The following METAP2 variants were observed in gnomAD, a reference collection of about 807,000 sequenced individuals.
METAP2 encodes methionyl aminopeptidase 2, also known as methionine aminopeptidase 2.
In METAP2, 25 loss-of-function variants were observed where a neutral mutation model predicts 59.4. The ratio of observed to expected loss-of-function variants is 0.42; its 90% CI spans 0.31 to 0.59. The LOEUF (loss-of-function observed/expected upper bound fraction) is 0.59, where lower values mean the gene tolerates loss of function less well. Among genes scored for constraint, METAP2 ranks in the 20% least tolerant of loss-of-function variants. METAP2 has a pLI of 0.16. For synonymous variants in METAP2, 214 were observed against 194.1 expected (o/e 1.10, Z -0.85); for missense variants, 366 against 581.2 (o/e 0.63, Z 3.81).
chr12:95,510,842 C>T lies in METAP2; in HGVS notation c.965-1053C>T, dbSNP rs543371347. On this transcript the variant is annotated intron_variant, in intron 8 of 10. Coordinates refer to ENST00000323666, the MANE Select transcript of METAP2 (RefSeq NM_006838.4). The stretch of plus-strand genomic sequence containing the variant: ...TTTATGTCTTTACTACCTAATTATG[C>T]ATCCCTAAACTAGTTTTATTGCCTA... Among the ~76,000 whole-genome samples the T allele has an allele frequency of 3.9e-5, 6 of 152,306 alleles. No individual in the cohort carries two copies. The East Asian group carries it at 1.2e-3, about 29-fold the overall frequency.
At chr12:95,477,591 C>CT (rs1386934512) in intron 2 of METAP2, among the ~76,000 whole-genome samples, 1 of 152,158 alleles carries the variant, frequency 6.6e-6, no homozygotes. Flanking sequence ...GAAAACTTAA[C>CT]TTTTTTCCAG....
intron 7 of METAP2, among the ~76,000 whole-genome samples, chr12:95,498,064 C>T (rs373874591): frequency 1.3e-4 from 20 of 150,492 alleles, no homozygotes; most frequent in South Asian, 4.2e-4. Flanking sequence ...ACCTGGGAGG[C>T]GGAGCTTGCA....
At chr12:95,491,550 G>C (rs994968034) in intron 4 of METAP2, among the ~76,000 whole-genome samples, 1 of 151,794 alleles carries the variant, frequency 6.6e-6, no homozygotes, top group Admixed American at 6.6e-5. Flanking sequence ...TCATTCTGTC[G>C]CCCAGGCTGG....
At chr12:95,510,089 G>A (rs565110785) in intron 8 of METAP2, among the ~76,000 whole-genome samples, 15 of 152,202 alleles carry the variant, frequency 9.9e-5, no homozygotes, top group Non-Finnish European at 1.6e-4. Flanking sequence ...CACCTGCCTT[G>A]GCCTCCCAGA....
intron 3 of METAP2, among the ~76,000 whole-genome samples, chr12:95,485,044 T>C (rs956739445): frequency 6.6e-6 from 1 of 152,234 alleles, no homozygotes; most frequent in Non-Finnish European, 1.5e-5. Context: ...AGTGGGAAAA[T>C]TATAAATGTT....
At chr12:95,476,759 A>C (rs902934250) in intron 2 of METAP2, among the ~76,000 whole-genome samples, 9 of 152,208 alleles carry the variant, frequency 5.9e-5, no homozygotes, top group Admixed American at 5.9e-4. Flanking sequence ...GTGAGTATTA[A>C]TAAGATTGAG....
At chr12:95,490,586 T>G (rs2076230563) in intron 4 of METAP2, among the ~76,000 whole-genome samples, 1 of 122,420 alleles carries the variant, frequency 8.2e-6, no homozygotes, top group African/African-American at 3.3e-5. Flanking sequence ...TTTTTTTTTT[T>G]TGAGATGGGG....
chr12:95,495,672 C>T (rs1035342095), intron 6 of METAP2, among the ~76,000 whole-genome samples: 1 of 152,106 alleles, frequency 6.6e-6, no homozygotes, highest in Non-Finnish European at 1.5e-5. Context: ...TTTCTCTGCC[C>T]TGCGTTACTA....
At chr12:95,494,345 T>C in intron 5 of METAP2, 128 bp downstream of exon 5, 1 of 924,494 alleles carries the variant, frequency 1.1e-6, no homozygotes, top group Non-Finnish European at 1.6e-6. Context: ...AGAAATGCCT[T>C]CTAGATTATT....
At chr12:95,501,379 AT>A (rs1327496597) in intron 7 of METAP2, among the ~76,000 whole-genome samples, 2 of 152,202 alleles carry the variant, frequency 1.3e-5, no homozygotes, top group Non-Finnish European at 2.9e-5. Context: ...AAAATAGAAT[AT>A]GGAATTATAA....
At chr12:95,502,233 T>C (rs1448703113) in intron 7 of METAP2, among the ~76,000 whole-genome samples, 1 of 152,130 alleles carries the variant, frequency 6.6e-6, no homozygotes, top group Non-Finnish European at 1.5e-5. Flanking sequence ...CTTGAGCTCC[T>C]GGGTTCAAGT....
intron 4 of METAP2, 47 bp from the exon 5 acceptor site, chr12:95,494,009 T>C (rs1156369669): frequency 1.3e-6 from 2 of 1,533,182 alleles, no homozygotes; most frequent in Non-Finnish European, 1.8e-6. Flanking sequence ...GCTTTTATGC[T>C]TGTTCTGCTG....
At chr12:95,491,082 C>CTTTTTTTTTTTTTTTTTTTTTTTTTT (rs11329335) in intron 4 of METAP2, among the ~76,000 whole-genome samples, 1 of 134,472 alleles carries the variant, frequency 7.4e-6, no homozygotes, top group Admixed American at 7.4e-5. Flanking sequence ...ACAGCCAACT[C>CTTTTTTTTTTTTTTTTTTTTTTTTTT]TTTTTTTTTT....
chr12:95,505,218 A>G (rs2076349009), intron 8 of METAP2, among the ~76,000 whole-genome samples: 1 of 152,142 alleles, frequency 6.6e-6, no homozygotes, highest in Admixed American at 6.5e-5. Context: ...ATGTGTTTCT[A>G]CCAAGAGCAG....
chr12:95,477,182 C>T (rs1003619088), intron 2 of METAP2, among the ~76,000 whole-genome samples: 12 of 151,984 alleles, frequency 7.9e-5, no homozygotes, highest in African/African-American at 2.9e-4. Flanking sequence ...CGGATCACTG[C>T]GACCTCCCGA....
chr12:95,505,250 C>G (rs1378030896), intron 8 of METAP2, among the ~76,000 whole-genome samples: 1 of 152,218 alleles, frequency 6.6e-6, no homozygotes, highest in Non-Finnish European at 1.5e-5. Flanking sequence ...CCTCTGGAAC[C>G]TGACCGTGCC....
At chr12:95,484,164 A>C (rs1285185429) in intron 3 of METAP2, among the ~76,000 whole-genome samples, 2 of 152,074 alleles carry the variant, frequency 1.3e-5, no homozygotes, top group African/African-American at 4.8e-5. Flanking sequence ...CCTTCCTTTA[A>C]AATTTTTCAG....
intron 8 of METAP2, among the ~76,000 whole-genome samples, chr12:95,505,443 G>A (rs2076350983): frequency 6.6e-6 from 1 of 151,374 alleles, no homozygotes; most frequent in Non-Finnish European, 1.5e-5. Context: ...TTCTGCCTCA[G>A]CCTCCTCATT....
chr12:95,476,201 G>A, intron 2 of METAP2, 23 bp downstream of exon 2: 1 of 1,511,866 alleles, frequency 6.6e-7, no homozygotes, highest in Non-Finnish European at 9.1e-7. Flanking sequence ...TTTGATCTTT[G>A]TGGTTAGAAA....
Sources: allele counts gnomAD v4.1 joint callset (sites outside exome capture counted in the v4.1 genomes callset), GRCh38; gene constraint gnomAD v4.1.1; transcripts MANE v1.5; gene names NCBI Gene and HGNC (gene_info 2026-07-23, HGNC 2026-07-21).